Variants in CACNA1C observed in about 807,000 individuals in gnomAD.
The protein encoded by CACNA1C is calcium voltage-gated channel subunit alpha1 C, also known as voltage-dependent L-type calcium channel subunit alpha-1C.
CACNA1C carries 30 observed loss-of-function variants against 229.0 expected under a neutral mutation model. The ratio of observed to expected loss-of-function variants is 0.13; its 90% CI spans 0.10 to 0.18. CACNA1C has a LOEUF of 0.18. Among genes scored for constraint, CACNA1C ranks in the 10% least tolerant of loss-of-function variants. The pLI, the probability that CACNA1C is intolerant of heterozygous loss-of-function variation, is 1.00. For missense variants in CACNA1C, 1,658 were observed against 2,845.0 expected (o/e 0.58, Z 9.49); for synonymous variants, 1,114 against 1,132.5 (o/e 0.98, Z 0.33).
intron 3 of CACNA1C, among the ~76,000 whole-genome samples, chr12:2,371,749 T>C (rs1441974662): frequency 6.8e-6 from 1 of 146,650 alleles, no homozygotes; most frequent in Non-Finnish European, 1.5e-5. Flanking sequence ...TTTTTTTTAA[T>C]CTCGGACTCT....
rs145207439 is a variant in CACNA1C, at chr12:2,579,976, G to A, written c.1896-1614G>A. On this transcript the variant is annotated intron_variant, in intron 13 of 46. Transcript: ENST00000399655. ...GGGGAGGGTGTTCTACCCCCAGAGA[G>A]GTTCTCTTACTTTTTCCTTTAAGCA... Among the ~76,000 whole-genome samples, 303 of 152,276 alleles carry A rather than the reference G, an allele frequency of 2.0e-3. 1 individual carries two copies. Among genetic ancestry groups the A allele is most frequent in the African/African-American group, 6.9e-3 (285 of 41,548 alleles).
Position 2,332,604 on chromosome 12 carries a change from T to C in CACNA1C, c.478-116372T>C, listed in dbSNP as rs113999778. ...TGCAAAGACGTATGCACAAGTATCT[T>C]ATGACAGTGTGACTTCCAACAGTAA... is the stretch of plus-strand genomic sequence containing the variant. On this transcript the variant is annotated intron_variant, in intron 3 of 46. Transcript: ENST00000399655. 2.1e-3 allele frequency among the ~76,000 whole-genome samples: 326 copies of C among 152,368 alleles called. 1 individual carries two copies. Among genetic ancestry groups the C allele is most frequent in the African/African-American group, 7.6e-3 (317 of 41,582 alleles).
chr12:2,095,594 A>G (rs532335205), intron 1 of CACNA1C, among the ~76,000 whole-genome samples: 141 of 152,352 alleles, frequency 9.3e-4, no homozygotes, highest in Middle Eastern at 3.4e-3. Context: ...GAGTCAGGCC[A>G]TCCAGTGTTT....
At chr12:2,202,601 A>G (rs1471998747) in intron 3 of CACNA1C, among the ~76,000 whole-genome samples, 1 of 152,150 alleles carries the variant, frequency 6.6e-6, no homozygotes, top group Non-Finnish European at 1.5e-5. Context: ...TCAGAACCAC[A>G]TCATCTGGGT....
chr12:2,261,756 C>A (rs1361461069), intron 3 of CACNA1C, among the ~76,000 whole-genome samples: 1 of 151,236 alleles, frequency 6.6e-6, no homozygotes, highest in Non-Finnish European at 1.5e-5. Flanking sequence ...CACACACACA[C>A]ACACAACAGG....
intron 7 of CACNA1C, among the ~76,000 whole-genome samples, chr12:2,497,969 T>TCTCACACACA (rs145657634): frequency 1.2e-4 from 17 of 144,016 alleles, no homozygotes; most frequent in South Asian, 7.0e-4. Flanking sequence ...TCTATTAAAT[T>TCTCACACACA]CACACACACA....
intron 3 of CACNA1C, among the ~76,000 whole-genome samples, chr12:2,384,312 G>A (rs142203792): frequency 1.2e-4 from 19 of 152,288 alleles, no homozygotes; most frequent in African/African-American, 4.6e-4. Context: ...TACACATTGT[G>A]CGTCTTTCAC....
chr12:2,179,229 C>A (rs958257166), intron 3 of CACNA1C, among the ~76,000 whole-genome samples: 2 of 152,156 alleles, frequency 1.3e-5, no homozygotes, highest in African/African-American at 2.4e-5. Flanking sequence ...TCTGTGATTC[C>A]AGGCACTCAT....
At chr12:2,544,731 A>T (rs2099877904) in intron 9 of CACNA1C, among the ~76,000 whole-genome samples, 1 of 152,242 alleles carries the variant, frequency 6.6e-6, no homozygotes. Context: ...CCCTGCAAAA[A>T]GTCGAGATGC....
At chr12:2,353,230 A>G (rs1014378806) in intron 3 of CACNA1C, among the ~76,000 whole-genome samples, 2 of 152,124 alleles carry the variant, frequency 1.3e-5, no homozygotes, top group African/African-American at 4.8e-5. Flanking sequence ...TAGAATTTCC[A>G]CAGGGAGAGA....
chr12:2,670,886 A>C (rs1426730489), intron 38 of CACNA1C, among the ~76,000 whole-genome samples: 3 of 151,558 alleles, frequency 2.0e-5, no homozygotes, highest in Admixed American at 1.3e-4. Context: ...AAATAGGACA[A>C]GTTCTGCTAC....
At chr12:2,480,269 C>T (rs2099669600) in intron 5 of CACNA1C, among the ~76,000 whole-genome samples, 1 of 152,168 alleles carries the variant, frequency 6.6e-6, no homozygotes, top group African/African-American at 2.4e-5. Flanking sequence ...GACCCCACAG[C>T]CCTGGCGCCG....
At chr12:2,648,999 G>C (rs1191737241) in intron 31 of CACNA1C, among the ~76,000 whole-genome samples, 1 of 152,160 alleles carries the variant, frequency 6.6e-6, no homozygotes, top group African/African-American at 2.4e-5. Context: ...TGTGCTTCAA[G>C]TGAAAGGCCA....
Position 2,403,456 on chromosome 12 carries a change from C to G in CACNA1C, c.478-45520C>G, listed in dbSNP as rs939850254. The stretch of plus-strand genomic sequence containing the variant: ...AGGAGGAAGCTGCAGGCACGTGACT[C>G]CTGCACTGGCCTCACCTCTCACCAG... On this transcript the variant is annotated intron_variant, in intron 3 of 46. Coordinates refer to ENST00000399655, the MANE Select transcript of CACNA1C (RefSeq NM_000719.7). This position sits in a 1 kb window ranked among gnomAD's most constrained non-coding sequence, Gnocchi z 4.1. Among the ~76,000 whole-genome samples the G allele has an allele frequency of 6.6e-6, 1 of 152,148 alleles. No homozygotes were observed. The highest frequency in any genetic ancestry group is 2.4e-5 in the African/African-American group (1 of 41,420).
In CACNA1C at chr12:2,677,694, A is replaced by G. The variant is rs2096895710; in HGVS notation, c.4957-39A>G. The G allele has an allele frequency of 6.3e-7, 1 of 1,592,592 alleles. No individual in the cohort carries two copies. The highest frequency in any genetic ancestry group is 8.5e-7 in the Non-Finnish European group (1 of 1,170,888). On this transcript the variant is annotated intron_variant, in intron 40 of 46. Coordinates refer to ENST00000399655, the MANE Select transcript of CACNA1C (RefSeq NM_000719.7). The surrounding 1 kb of genome is among the most constrained non-coding windows in gnomAD (Gnocchi z 7.4). ...TGGCTGGCTGGGGAGCTTGGAGGAA[A>G]GGGAGCGTGGTCCTCACCATCCTCC...
intron 3 of CACNA1C, among the ~76,000 whole-genome samples, chr12:2,328,930 A>G (rs1178063988): frequency 6.6e-6 from 1 of 152,182 alleles, no homozygotes; most frequent in Non-Finnish European, 1.5e-5. Flanking sequence ...ACCAAGTGGA[A>G]TTTGTCTGTG....
intron 2 of CACNA1C, among the ~76,000 whole-genome samples, chr12:2,118,551 G>A (rs2085059044): frequency 6.6e-6 from 1 of 152,208 alleles, no homozygotes; most frequent in Non-Finnish European, 1.5e-5. Context: ...GTTAACGTCT[G>A]ACCCTTCTGT....
chr12:2,574,586 C>A (rs1452404510), intron 13 of CACNA1C, among the ~76,000 whole-genome samples: 2 of 152,194 alleles, frequency 1.3e-5, no homozygotes, highest in African/African-American at 4.8e-5. Flanking sequence ...GCTCATAAAT[C>A]TTGGCCACAT....
intron 3 of CACNA1C, among the ~76,000 whole-genome samples, chr12:2,448,002 T>G (rs2099316215): frequency 6.6e-6 from 1 of 152,202 alleles, no homozygotes; most frequent in Non-Finnish European, 1.5e-5. Context: ...AGGCGAGCAG[T>G]GGAGCATGAA....
Sources: allele counts gnomAD v4.1 joint callset (sites outside exome capture counted in the v4.1 genomes callset), GRCh38; gene constraint gnomAD v4.1.1; non-coding constraint Gnocchi (gnomAD v3.1); transcripts MANE v1.5; gene names NCBI Gene and HGNC (gene_info 2026-07-23, HGNC 2026-07-21).